The following ADAMTS6 variants were observed in gnomAD, a reference collection of about 807,000 sequenced individuals.
The protein encoded by ADAMTS6 is A disintegrin and metalloproteinase with thrombospondin motifs 6.
In ADAMTS6, 23 loss-of-function variants were observed where a neutral mutation model predicts 144.3. The ratio of observed to expected loss-of-function variants is 0.16; its 90% CI spans 0.11 to 0.23. The LOEUF is 0.23. Ranked by LOEUF, ADAMTS6 falls within the 10% of genes least tolerant of loss-of-function variation. The pLI is 1.00. For missense variants in ADAMTS6, 999 were observed against 1,379.6 expected (o/e 0.72, Z 4.37); for synonymous variants, 444 against 457.5 (o/e 0.97, Z 0.38).
chr5:65,196,987 GA>G, intron 21 of ADAMTS6, 34 bp downstream of exon 21: 1 of 1,596,706 alleles, frequency 6.3e-7, no homozygotes, highest in Non-Finnish European at 8.5e-7. Context: ...CTTTGCACCT[GA>G]AGAAAATAAT....
intron 11 of ADAMTS6, among the ~76,000 whole-genome samples, chr5:65,275,411 GA>G (rs1404185138): frequency 7.9e-6 from 1 of 125,862 alleles, no homozygotes; most frequent in African/African-American, 3.1e-5. Flanking sequence ...AAGAAAGAAA[GA>G]AAGAAAAGAA....
intron 1 of ADAMTS6, among the ~76,000 whole-genome samples, chr5:65,479,490 A>G (rs10035461): frequency 2.0e-3 from 309 of 152,290 alleles, no homozygotes; most frequent in African/African-American, 6.6e-3. Context: ...TGTATTATAA[A>G]TTTTTTCTCT....
intron 13 of ADAMTS6, 46 bp from the exon 14 acceptor site, chr5:65,260,709 C>A: frequency 6.9e-7 from 1 of 1,444,038 alleles, no homozygotes; most frequent in South Asian, 1.2e-5. Context: ...TACATCTGTC[C>A]ATACAAAGAG....
At chr5:65,164,311 C>G (rs907298718) in intron 24 of ADAMTS6, among the ~76,000 whole-genome samples, 1 of 152,078 alleles carries the variant, frequency 6.6e-6, no homozygotes, top group Non-Finnish European at 1.5e-5. Flanking sequence ...CCGAATATTG[C>G]GCTTTTCAGA....
Position 65,164,055 on chromosome 5 carries a change from G to A in ADAMTS6, c.3244+6562C>T, listed in dbSNP as rs565607166. ...AAGATGGCCGAATAGGAACAGCTCT[G>A]GTCAACAGCTCCCAGCGTGAGCGAC... On this transcript the variant is annotated intron_variant, in intron 24 of 24. Transcript: ENST00000381055. 4.4e-3 allele frequency among the ~76,000 whole-genome samples: 671 copies of A among 152,234 alleles called. 7 individuals are homozygous for A. The highest frequency in any genetic ancestry group is 0.015 in the African/African-American group (639 of 41,548).
At chr5:65,376,603 A>T (rs1050164230) in intron 7 of ADAMTS6, among the ~76,000 whole-genome samples, 1 of 152,200 alleles carries the variant, frequency 6.6e-6, no homozygotes, top group Admixed American at 6.5e-5. Context: ...AGGCCAAGGC[A>T]GGTGGATCAA....
At chr5:65,289,035 T>C (rs1487430053) in intron 11 of ADAMTS6, among the ~76,000 whole-genome samples, 3 of 152,216 alleles carry the variant, frequency 2.0e-5, no homozygotes, top group African/African-American at 7.2e-5. Flanking sequence ...GTTAGTAACA[T>C]ATTGCACTTA....
At chr5:65,337,994 C>T (rs1401121699) in intron 7 of ADAMTS6, among the ~76,000 whole-genome samples, 1 of 152,204 alleles carries the variant, frequency 6.6e-6, no homozygotes, top group African/African-American at 2.4e-5. Flanking sequence ...TCAGTCACTA[C>T]TAAATCCTTA....
intron 7 of ADAMTS6, among the ~76,000 whole-genome samples, chr5:65,341,803 A>G (rs375597660): frequency 4.5e-4 from 69 of 152,252 alleles, no homozygotes; most frequent in African/African-American, 1.5e-3. Flanking sequence ...AACTACTCCA[A>G]AAAAGTGAAG....
Position 65,151,775 on chromosome 5 carries a change from C to G in ADAMTS6, c.*61G>C. 6.9e-7 allele frequency: 1 copy of G among 1,459,436 alleles called. No individual in the cohort carries two copies. The highest frequency in any genetic ancestry group is 9.6e-7 in the Non-Finnish European group (1 of 1,045,434). The allele number at this position is 1,459,436 out of a possible 1,614,324, so 90.4% of individuals were successfully genotyped here. A position where few individuals can be genotyped will look rare whatever the true frequency, so the allele number is the denominator to read the frequency against. The stretch of plus-strand genomic sequence containing the variant: ...ATCAATCCTCTTCCTCTGGGTGGCT[C>G]TCTTTGATGGATGCATTTCCATGAT... On this transcript the variant is annotated 3_prime_UTR_variant, in exon 25 of 25. Coordinates refer to ENST00000381055, the MANE Select transcript of ADAMTS6 (RefSeq NM_197941.4).
intron 7 of ADAMTS6, among the ~76,000 whole-genome samples, chr5:65,334,929 G>C (rs1266583321): frequency 6.6e-6 from 1 of 152,004 alleles, no homozygotes; most frequent in Non-Finnish European, 1.5e-5. Context: ...AATGTAAAAG[G>C]CTAAAAATTT....
In ADAMTS6 at chr5:65,462,851, G is replaced by A. The variant is rs983914949; in HGVS notation, c.463-2513C>T. ...AATCCCAGCACTTTGGGAGGCTAAG[G>A]CAGGTCAATCACGAGGTCAGGAGTT... On this transcript the variant is annotated intron_variant, in intron 3 of 24. Transcript: ENST00000381055. 2.0e-5 allele frequency among the ~76,000 whole-genome samples: 3 copies of A among 152,086 alleles called. No individual in the cohort carries two copies. The East Asian group carries it at 5.8e-4, about 29-fold the overall frequency.
rs142932850 is a variant in ADAMTS6, at chr5:65,321,525, C to T, written c.1223+7853G>A. Among the ~76,000 whole-genome samples the T allele has an allele frequency of 8.8e-3, 1,333 of 152,062 alleles. 15 individuals are homozygous for T. Among genetic ancestry groups the T allele is most frequent in the African/African-American group, 0.03 (1,264 of 41,504 alleles). On this transcript the variant is annotated intron_variant, in intron 9 of 24. Coordinates refer to ENST00000381055, the MANE Select transcript of ADAMTS6 (RefSeq NM_197941.4). ...TCTGTTGGTAGTTTCTTTTGCTGTA[C>T]AGAAGTTCTTTAGTTTAATTAAATC... is the stretch of plus-strand genomic sequence containing the variant.
chr5:65,216,780 A>ACACACAC (rs1561289443), intron 18 of ADAMTS6, among the ~76,000 whole-genome samples: 1 of 74,206 alleles, frequency 1.3e-5, no homozygotes, highest in Non-Finnish European at 2.8e-5. Context: ...TCTTACAAGA[A>ACACACAC]ATACACACAC....
At chr5:65,160,852 A>G (rs1752727951) in intron 24 of ADAMTS6, among the ~76,000 whole-genome samples, 1 of 150,236 alleles carries the variant, frequency 6.7e-6, no homozygotes, top group South Asian at 2.1e-4. Flanking sequence ...GGGTTTCTCC[A>G]TGTTGGTCAG....
chr5:65,268,077 G>A (rs765034182), intron 12 of ADAMTS6, among the ~76,000 whole-genome samples: 3 of 152,158 alleles, frequency 2.0e-5, no homozygotes, highest in Non-Finnish European at 4.4e-5. Flanking sequence ...TCTACCCTAA[G>A]TAAATTAAGA....
intron 24 of ADAMTS6, 100 bp from the exon 25 acceptor site, chr5:65,152,045 G>T: frequency 2.0e-6 from 2 of 1,004,940 alleles, no homozygotes; most frequent in Non-Finnish European, 3.0e-6. Flanking sequence ...CCCCCTTTGG[G>T]CCAATCCACC....
intron 9 of ADAMTS6, among the ~76,000 whole-genome samples, chr5:65,314,390 T>A (rs908602888): frequency 2.0e-5 from 3 of 151,882 alleles, no homozygotes; most frequent in African/African-American, 7.3e-5. Flanking sequence ...TCCAGGAATT[T>A]TGAGACAATA....
At chr5:65,231,295 C>A (rs1758225391) in intron 15 of ADAMTS6, among the ~76,000 whole-genome samples, 1 of 151,908 alleles carries the variant, frequency 6.6e-6, no homozygotes, top group African/African-American at 2.4e-5. Flanking sequence ...CAAAGAAAGT[C>A]ATTATATAAT....
Sources: gnomAD v4.1 joint callset for allele counts (sites outside exome capture counted in the v4.1 genomes callset) on GRCh38, gnomAD v4.1.1 for gene constraint, MANE v1.5 for transcripts, NCBI Gene and HGNC (gene_info 2026-07-23, HGNC 2026-07-21) for gene names.